The following CLK2 variants were observed in gnomAD, a reference collection of about 807,000 sequenced individuals.
CLK2 encodes the protein CDC like kinase 2, also known as dual specificity protein kinase CLK2.
In CLK2, 12 loss-of-function variants were observed where a neutral mutation model predicts 73.5. The ratio of observed to expected loss-of-function variants is 0.16; its 90% CI spans 0.10 to 0.26. The LOEUF (loss-of-function observed/expected upper bound fraction) is 0.26. Ranked by LOEUF, CLK2 falls within the 10% of genes least tolerant of loss-of-function variation. CLK2 has a pLI of 1.00. For missense variants in CLK2, 509 were observed against 688.4 expected (o/e 0.74, Z 2.92); for synonymous variants, 232 against 237.9 (o/e 0.98, Z 0.23).
At position 155,265,967 on chromosome 1, in the gene CLK2, A is replaced by G. The variant is rs1292524141; in HGVS notation, c.839-13T>C. The G allele has an allele frequency of 1.3e-6, 2 of 1,580,326 alleles. No homozygotes were observed. Among genetic ancestry groups the G allele is most frequent in the Non-Finnish European group, 1.7e-6 (2 of 1,149,388 alleles). ...TTATCATGGAGGACTGTAGGGGAGA[A>G]GGCCAGGTCAGGCTTGGTGCAGGTG... On this transcript the variant is annotated splice_polypyrimidine_tract_variant and intron_variant, in intron 7 of 12. Coordinates refer to ENST00000368361, the MANE Select transcript of CLK2 (RefSeq NM_001294338.2).
chr1:155,268,211 C>T lies in CLK2; in HGVS notation c.554+82G>A. 2 of 1,558,450 alleles carry T rather than the reference C, an allele frequency of 1.3e-6. No individual in the cohort carries two copies. The highest frequency in any genetic ancestry group is 1.8e-6 in the Non-Finnish European group (2 of 1,129,662). ...GCTGTAGGGGGACTAAGAAATTCTA[C>T]CTCAGGTTAATTAGCAAAAAAGCCC... On this transcript the variant is annotated intron_variant, in intron 5 of 12. Transcript: ENST00000368361. This position sits in a 1 kb window ranked among gnomAD's most constrained non-coding sequence, Gnocchi z 5.6.
chr1:155,272,846 C>G (rs866284014), intron 1 of CLK2, among the ~76,000 whole-genome samples: 3 of 152,304 alleles, frequency 2.0e-5, no homozygotes, highest in Middle Eastern at 3.4e-3. Context: ...AGAACTCCTA[C>G]AGGCAAATTC....
At chr1:155,269,802 G>A (rs1039824686) in intron 2 of CLK2, 86 bp from the exon 3 acceptor site, 6 of 1,238,056 alleles carry the variant, frequency 4.8e-6, no homozygotes, top group Non-Finnish European at 7.1e-6. Context: ...CCTTAGTGAG[G>A]ACAAAGAGTA....
At position 155,268,904 on chromosome 1, in the gene CLK2, G is replaced by A; in HGVS notation, c.400-109C>T. The A allele has an allele frequency of 2.9e-6, 2 of 701,020 alleles. No homozygotes were observed. The highest frequency in any genetic ancestry group is 5.1e-6 in the Non-Finnish European group (2 of 388,734). The allele number at this position is 701,020 out of a possible 1,614,324, so 43.4% of individuals were successfully genotyped here. ...CCGGTCACAGGCGCCCAGCCAGGGG[G>A]GACAGACGATGATGGGGGACAGTGG... is the stretch of plus-strand genomic sequence containing the variant. On this transcript the variant is annotated intron_variant, in intron 3 of 12. Transcript: ENST00000368361. The surrounding 1 kb of genome is among the most constrained non-coding windows in gnomAD (Gnocchi z 5.6).
At chr1:155,273,047 TC>T (rs1385191207) in intron 1 of CLK2, among the ~76,000 whole-genome samples, 153 bp downstream of exon 1, 2 of 152,094 alleles carry the variant, frequency 1.3e-5, no homozygotes, top group Non-Finnish European at 2.9e-5. Flanking sequence ...CAGGCCGACC[TC>T]CTTCCCCCTC....
chr1:155,271,264 T>C (rs1328134936), intron 1 of CLK2, among the ~76,000 whole-genome samples: 1 of 152,178 alleles, frequency 6.6e-6, no homozygotes, highest in Non-Finnish European at 1.5e-5. Context: ...TCTCGCTGTG[T>C]GGCCAGGCTG....
intron 11 of CLK2, 63 bp from the exon 12 acceptor site, chr1:155,264,103 C>T (rs1673116889): frequency 6.4e-7 from 1 of 1,565,808 alleles, no homozygotes; most frequent in Admixed American, 1.7e-5. Context: ...CCTTATTTCC[C>T]CATCTGAAAG....
intron 12 of CLK2, 177 bp from the exon 13 acceptor site, chr1:155,263,577 C>G (rs1183667389): frequency 2.0e-6 from 2 of 985,294 alleles, no homozygotes; most frequent in African/African-American, 3.5e-5. Flanking sequence ...ACCTACCTTC[C>G]CACTAGCACA....
rs767100429 is a variant in CLK2 at position 155,270,817 on chromosome 1, C to T, written c.161G>A (p.Arg54His). 1.7e-5 allele frequency: 27 copies of T among 1,605,594 alleles called. No homozygotes were observed. The South Asian group carries it at 2.5e-4, about 15-fold the overall frequency. Residue 54 changes from arginine to histidine, a missense_variant, in exon 2 of 13, where the codon CGT becomes CAT. By Grantham distance (29) the Arg-to-His change is conservative. Coordinates refer to ENST00000368361, the MANE Select transcript of CLK2 (RefSeq NM_001294338.2). ...RRRREDSYHV[R>H]SRSSYDDRSS... is the part of the protein sequence containing the mutation. ...CTTCCTGAGGCCTCACCTTCGAGAA[C>T]GGACATGGTAGCTGTCCTCTCGCCG...
Position 155,268,493 on chromosome 1 carries a change from G to A in CLK2, c.488-134C>T, listed in dbSNP as rs1011849445. The A allele has an allele frequency of 7.4e-6, 6 of 807,484 alleles. No individual in the cohort carries two copies. Among genetic ancestry groups the A allele is most frequent in the Non-Finnish European group, 1.3e-5 (6 of 477,722 alleles). 50.0% of individuals were successfully genotyped at this position (807,484 alleles called of 1,614,324 possible). A position where few individuals can be genotyped will look rare whatever the true frequency, so the allele number is the denominator to read the frequency against. On this transcript the variant is annotated intron_variant, in intron 4 of 12. Coordinates refer to ENST00000368361, the MANE Select transcript of CLK2 (RefSeq NM_001294338.2). This position sits in a 1 kb window ranked among gnomAD's most constrained non-coding sequence, Gnocchi z 5.6. ...GGAACAGATACAGATGGTCACAGGG[G>A]AAGAAAACCCCTGCGTGATTCCCAC... is the stretch of plus-strand genomic sequence containing the variant.
At chr1:155,266,007 G>C in intron 7 of CLK2, 53 bp from the exon 8 acceptor site, 1 of 1,254,218 alleles carries the variant, frequency 8.0e-7, no homozygotes, top group Non-Finnish European at 1.2e-6. Flanking sequence ...GAGCTAACTG[G>C]TATCAGCTGA....
Position 155,269,648 on chromosome 1 carries a change from T to C in CLK2, c.239A>G (p.Asn80Ser), listed in dbSNP as rs1673403246. Residue 80 changes from asparagine (N) to serine (S), a missense_variant, in exon 3 of 13, where the codon AAC (asparagine) becomes AGC (serine). Physicochemically the swap from Asn to Ser is conservative, Grantham distance 46 (BLOSUM62 1). Transcript: ENST00000368361. ...ATCTCCCCGATCCCGGCTATAATCG[T>C]TGCGTCTGTAGCTGCCACAGTATCG... ...DRRYCGSYRRNDYSRDRGDAY... is the reference protein window; with the variant it reads ...DRRYCGSYRRSDYSRDRGDAY... 3.1e-6 allele frequency: 5 copies of C among 1,614,252 alleles called. No individual in the cohort carries two copies. The highest frequency in any genetic ancestry group is 4.2e-6 in the Non-Finnish European group (5 of 1,180,038).
chr1:155,264,198 A>T, intron 11 of CLK2, 23 bp downstream of exon 11: 1 of 1,613,382 alleles, frequency 6.2e-7, no homozygotes, highest in East Asian at 2.2e-5. Flanking sequence ...AAAAGAGTTA[A>T]CTAGTGCCCC....
At chr1:155,264,120 G>C (rs900573839) in intron 11 of CLK2, 80 bp from the exon 12 acceptor site, 7 of 1,552,448 alleles carry the variant, frequency 4.5e-6, no homozygotes, top group Non-Finnish European at 6.2e-6. Context: ...AAAGTAACTG[G>C]GGGGAGAGGA....
intron 6 of CLK2, among the ~76,000 whole-genome samples, chr1:155,267,747 G>A (rs1465391994): frequency 6.6e-6 from 1 of 152,192 alleles, no homozygotes; most frequent in Non-Finnish European, 1.5e-5. Context: ...TATGTCCAGG[G>A]TATATCTCTA....
In CLK2 at chr1:155,268,004, G is replaced by C; in HGVS notation, c.671+6C>G. 6.2e-7 allele frequency: 1 copy of C among 1,602,964 alleles called. No individual in the cohort carries two copies. Among genetic ancestry groups the C allele is most frequent in the Middle Eastern group, 1.7e-4 (1 of 6,032 alleles). ...AGCCTCCCTACATACTTCCTTGCTT[G>C]CTTACTTCTTGTTGTCAGGGTCTTT... On this transcript the variant is annotated splice_donor_region_variant and intron_variant, in intron 6 of 12. Coordinates refer to ENST00000368361, the MANE Select transcript of CLK2 (RefSeq NM_001294338.2). This position sits in a 1 kb window ranked among gnomAD's most constrained non-coding sequence, Gnocchi z 5.6.
At position 155,266,791 on chromosome 1, in the gene CLK2, T is replaced by C; in HGVS notation, c.776A>G (p.Tyr259Cys). Residue 259 changes from tyrosine to cysteine, a missense_variant, in exon 7 of 13, where the codon TAC becomes TGC. By Grantham distance (194) the Tyr-to-Cys change is radical. Transcript: ENST00000368361. ...STFDFLKDNN[Y>C]LPYPIHQVRH... The stretch of plus-strand genomic sequence containing the variant: ...CACTTGGTGGATGGGGTAGGGCAGG[T>C]AGTTGTTGTCTTTGAGGAAATCGAA... 3 of 1,613,506 alleles carry C rather than the reference T, an allele frequency of 1.9e-6. No homozygotes were observed. Among genetic ancestry groups the C allele is most frequent in the Non-Finnish European group, 2.5e-6 (3 of 1,179,758 alleles).
chr1:155,268,279 G>A lies in CLK2; in HGVS notation c.554+14C>T, dbSNP rs1673326134. The A allele has an allele frequency of 6.2e-7, 1 of 1,613,198 alleles. No individual in the cohort carries two copies. Among genetic ancestry groups the A allele is most frequent in the Non-Finnish European group, 8.5e-7 (1 of 1,179,144 alleles). On this transcript the variant is annotated intron_variant, in intron 5 of 12. Coordinates refer to ENST00000368361, the MANE Select transcript of CLK2 (RefSeq NM_001294338.2). The surrounding 1 kb of genome is among the most constrained non-coding windows in gnomAD (Gnocchi z 5.6). ...CTCTTTAGCCCCACATAGTAGGGAG[G>A]GACTGACAGTTACCTGCGATGGTCA...
Position 155,263,937 on chromosome 1 carries a change from G to A in CLK2, c.1317+13C>T, listed in dbSNP as rs766072584. 4.3e-6 allele frequency: 7 copies of A among 1,612,694 alleles called. No homozygotes were observed. The highest frequency in any genetic ancestry group is 2.2e-5 in the South Asian group (2 of 91,038). On this transcript the variant is annotated intron_variant, in intron 12 of 12. Coordinates refer to ENST00000368361, the MANE Select transcript of CLK2 (RefSeq NM_001294338.2). ...CTGGACGGTGGGCACTATTTATCCCGAGCCCAGCTCACCCGCAGCGGTTTG... is the reference window on the plus strand; with the variant it reads ...CTGGACGGTGGGCACTATTTATCCCAAGCCCAGCTCACCCGCAGCGGTTTG...
Sources: allele counts gnomAD v4.1 joint callset (sites outside exome capture counted in the v4.1 genomes callset), GRCh38; gene constraint gnomAD v4.1.1; non-coding constraint Gnocchi (gnomAD v3.1); transcripts MANE v1.5; gene names NCBI Gene and HGNC (gene_info 2026-07-23, HGNC 2026-07-21).